TMEM232: variants seen among roughly 807,000 people sequenced by gnomAD.
TMEM232 encodes the protein transmembrane protein 232.
A neutral mutation model predicts 78.8 loss-of-function variants in TMEM232; 80 were observed. The observed-to-expected ratio is 1.01, with a 90% CI of 0.85 to 1.22. The LOEUF is 1.22. TMEM232 is among the 50% of genes most tolerant of loss of function. The probability of loss-of-function intolerance (pLI) is 0.00; values close to 1 mark genes in which losing one functional copy is unlikely to be tolerated. For missense variants in TMEM232, 881 were observed against 742.2 expected (o/e 1.19, Z -2.17); for synonymous variants, 297 against 254.3 (o/e 1.17, Z -1.60).
chr5:110,448,963 CATG>C (rs1759971798), intron 12 of TMEM232, among the ~76,000 whole-genome samples: 1 of 151,822 alleles, frequency 6.6e-6, no homozygotes, highest in Non-Finnish European at 1.5e-5. Context: ...CTAAAACTGT[CATG>C]AAGTCCATAG....
intron 1 of TMEM232, among the ~76,000 whole-genome samples, chr5:110,692,909 A>G (rs1230093747): frequency 6.6e-6 from 1 of 152,172 alleles, no homozygotes; most frequent in African/African-American, 2.4e-5. Context: ...GGCAGCAGTA[A>G]CCTCTGCAGA....
intron 3 of TMEM232, among the ~76,000 whole-genome samples, chr5:110,392,376 AG>A (rs1182856130): frequency 2.0e-5 from 3 of 152,232 alleles, no homozygotes; most frequent in Admixed American, 6.5e-5. Flanking sequence ...ATTTGGTAGA[AG>A]GAAAAAAATT....
At chr5:110,422,377 G>A (rs1177619161) in intron 13 of TMEM232, among the ~76,000 whole-genome samples, 4 of 151,448 alleles carry the variant, frequency 2.6e-5, no homozygotes, top group Non-Finnish European at 2.9e-5. Flanking sequence ...AAAATTAGCC[G>A]GGCGTGGTGG....
intron 12 of TMEM232, among the ~76,000 whole-genome samples, chr5:110,428,765 A>G (rs1474272920): frequency 1.3e-5 from 2 of 151,628 alleles, no homozygotes; most frequent in African/African-American, 4.8e-5. Flanking sequence ...GACACATTAT[A>G]ATTCAGGATA....
chr5:110,449,722 A>G (rs1760060415), intron 12 of TMEM232, among the ~76,000 whole-genome samples: 1 of 152,130 alleles, frequency 6.6e-6, no homozygotes, highest in Non-Finnish European at 1.5e-5. Context: ...TGGAGCACCT[A>G]CTGTATACTC....
At chr5:110,686,610 G>A (rs1163925165) in intron 1 of TMEM232, among the ~76,000 whole-genome samples, 1 of 151,884 alleles carries the variant, frequency 6.6e-6, no homozygotes, top group Non-Finnish European at 1.5e-5. Context: ...TAGATAACCA[G>A]AACCCTTATT....
At chr5:110,723,968 G>A (rs189885533) in intron 1 of TMEM232, among the ~76,000 whole-genome samples, 1 of 152,172 alleles carries the variant, frequency 6.6e-6, no homozygotes, top group African/African-American at 2.4e-5. Flanking sequence ...AAAGATGATG[G>A]GACACAAAGA....
At chr5:110,601,292 T>A (rs1299399174) in intron 10 of TMEM232, among the ~76,000 whole-genome samples, 1 of 152,170 alleles carries the variant, frequency 6.6e-6, no homozygotes, top group Non-Finnish European at 1.5e-5. Flanking sequence ...GTATTGGAAG[T>A]TCTGGCCAGG....
At chr5:110,651,556 T>C (rs544240123) in intron 2 of TMEM232, among the ~76,000 whole-genome samples, 2 of 151,950 alleles carry the variant, frequency 1.3e-5, no homozygotes, top group African/African-American at 4.8e-5. Flanking sequence ...TCAGGGTATT[T>C]AAACCATGGG....
chr5:110,591,705 C>A (rs894995702), intron 10 of TMEM232, among the ~76,000 whole-genome samples: 1 of 151,974 alleles, frequency 6.6e-6, no homozygotes, highest in African/African-American at 2.4e-5. Context: ...ATGCTTTGAT[C>A]TAGGATTCTG....
At chr5:110,585,134 C>T (rs1013338783) in intron 10 of TMEM232, among the ~76,000 whole-genome samples, 1 of 152,086 alleles carries the variant, frequency 6.6e-6, no homozygotes, top group African/African-American at 2.4e-5. Context: ...AGGTGAAGAC[C>T]TTTACATGGT....
At chr5:110,575,931 T>C (rs1392184886) in intron 10 of TMEM232, among the ~76,000 whole-genome samples, 2 of 151,958 alleles carry the variant, frequency 1.3e-5, no homozygotes, top group Non-Finnish European at 2.9e-5. Flanking sequence ...TTTCTGGGCT[T>C]CCTGGCAAAA....
chr5:110,562,506 C>G lies in TMEM232; in HGVS notation c.1455+5941G>C, dbSNP rs73222664. The stretch of plus-strand genomic sequence containing the variant: ...GAACAATAATACATTCCTGCTAATA[C>G]TAAAAAAAAGTTAGGGATCAAACAT... On this transcript the variant is annotated intron_variant, in intron 11 of 13. Transcript: ENST00000455884. 1.9e-3 allele frequency among the ~76,000 whole-genome samples: 283 copies of G among 152,046 alleles called. 1 individual carries two copies. Among genetic ancestry groups the G allele is most frequent in the Non-Finnish European group, 3.1e-3 (208 of 67,950 alleles).
chr5:110,576,411 C>T (rs1422933253), intron 10 of TMEM232, among the ~76,000 whole-genome samples: 1 of 152,060 alleles, frequency 6.6e-6, no homozygotes, highest in Admixed American at 6.6e-5. Context: ...AAAAACATTC[C>T]ATGCTTATAG....
intron 7 of TMEM232, among the ~76,000 whole-genome samples, chr5:110,623,077 C>A (rs147030344): frequency 6.6e-6 from 1 of 152,008 alleles, no homozygotes; most frequent in Non-Finnish European, 1.5e-5. Context: ...CTCAATCCAG[C>A]GTTCTGGCTC....
At chr5:110,470,134 A>G (rs1762514858) in intron 12 of TMEM232, among the ~76,000 whole-genome samples, 1 of 152,042 alleles carries the variant, frequency 6.6e-6, no homozygotes, top group African/African-American at 2.4e-5. Context: ...CTGAGTTTCT[A>G]ATGAACCTTG....
intron 2 of TMEM232, among the ~76,000 whole-genome samples, chr5:110,412,218 A>G (rs920863014): frequency 6.6e-5 from 10 of 152,188 alleles, no homozygotes; most frequent in African/African-American, 2.4e-4. Context: ...CAATAGAGCT[A>G]ATTACATTTG....
chr5:110,559,844 G>C (rs1406705569), intron 11 of TMEM232, among the ~76,000 whole-genome samples: 1 of 152,130 alleles, frequency 6.6e-6, no homozygotes, highest in Non-Finnish European at 1.5e-5. Flanking sequence ...GAAGAATCAT[G>C]CCTCTCTTCT....
chr5:110,715,856 G>A (rs1405701143), intron 1 of TMEM232, among the ~76,000 whole-genome samples: 1 of 152,146 alleles, frequency 6.6e-6, no homozygotes, highest in Non-Finnish European at 1.5e-5. Context: ...TATTCTCTCT[G>A]AAGCCTGCTA....
Sources: gnomAD v4.1 joint callset for allele counts (sites outside exome capture counted in the v4.1 genomes callset) on GRCh38, gnomAD v4.1.1 for gene constraint, MANE v1.5 for transcripts, NCBI Gene and HGNC (gene_info 2026-07-23, HGNC 2026-07-21) for gene names.